ATP13A4: variants seen among roughly 807,000 people sequenced by gnomAD.
The protein encoded by ATP13A4 is ATPase 13A4, also known as probable cation-transporting ATPase 13A4.
Under a neutral mutation model 142.5 loss-of-function variants are expected in ATP13A4, and 114 were observed. That is an observed-to-expected ratio of 0.80 (90% CI 0.69 to 0.93). The LOEUF is 0.93. Among genes scored for constraint, ATP13A4 ranks in the 40% least tolerant of loss-of-function variants. The pLI, the probability that ATP13A4 is intolerant of heterozygous loss-of-function variation, is 0.00. For synonymous variants in ATP13A4, 488 were observed against 514.8 expected, an observed-to-expected ratio of 0.95 and a Z score of 0.70; for missense variants, 1,392 against 1,454.0, an observed-to-expected ratio of 0.96 and a Z score of 0.69.
At chr3:193,529,224 C>T (rs1045855174) in intron 1 of ATP13A4, among the ~76,000 whole-genome samples, 2 of 150,992 alleles carry the variant, frequency 1.3e-5, no homozygotes, top group Non-Finnish European at 2.9e-5. Flanking sequence ...GAGCTGAGAT[C>T]GCGCCACTAC....
chr3:193,481,453 A>C (rs1323371931), intron 8 of ATP13A4, among the ~76,000 whole-genome samples: 1 of 152,206 alleles, frequency 6.6e-6, no homozygotes. Context: ...TACACTTACC[A>C]GTTTCAGTAA....
intron 16 of ATP13A4, 78 bp from the exon 17 acceptor site, chr3:193,454,290 C>A: frequency 1.9e-6 from 2 of 1,075,562 alleles, no homozygotes; most frequent in Non-Finnish European, 2.8e-6. Flanking sequence ...TTACAAACAT[C>A]CAACTTTTGC....
rs370100791 is a variant in ATP13A4 at position 193,417,979 on chromosome 3, G to A, written c.2843-3229C>T. On this transcript the variant is annotated intron_variant, in intron 25 of 29. Coordinates refer to ENST00000342695, the MANE Select transcript of ATP13A4 (RefSeq NM_032279.4). ...CTACTAAAAATACAAAAAATTAGCC[G>A]GGCGTAGTGGCGGGCGCCTGTAGTC... Among the ~76,000 whole-genome samples, 28 of 145,420 alleles carry A rather than the reference G, an allele frequency of 1.9e-4. 1 individual carries two copies. Among genetic ancestry groups the A allele is most frequent in the East Asian group, 4.4e-4 (2 of 4,572 alleles).
chr3:193,524,808 A>G (rs2108694368), intron 1 of ATP13A4, among the ~76,000 whole-genome samples: 1 of 152,284 alleles, frequency 6.6e-6, no homozygotes, highest in Middle Eastern at 3.4e-3. Context: ...ATTATGGGGG[A>G]AATTAGACTT....
intron 17 of ATP13A4, among the ~76,000 whole-genome samples, chr3:193,448,704 T>A (rs146885523): frequency 6.6e-6 from 1 of 152,326 alleles, no homozygotes; most frequent in African/African-American, 2.4e-5. Context: ...TTCCATTCAC[T>A]CATTCAAGCA....
chr3:193,500,051 T>C (rs1720454224), intron 3 of ATP13A4, among the ~76,000 whole-genome samples: 1 of 152,222 alleles, frequency 6.6e-6, no homozygotes, highest in Admixed American at 6.5e-5. Context: ...GCCAGGAGTT[T>C]ATCTGCTTCC....
intron 25 of ATP13A4, 85 bp from the exon 26 acceptor site, chr3:193,414,835 T>C: frequency 7.3e-7 from 1 of 1,361,412 alleles, no homozygotes; most frequent in Middle Eastern, 2.4e-4. Flanking sequence ...CATTGGCCCA[T>C]ACATTTGAGG....
chr3:193,471,715 G>A (rs1402277049), intron 8 of ATP13A4, among the ~76,000 whole-genome samples: 1 of 152,076 alleles, frequency 6.6e-6, no homozygotes, highest in African/African-American at 2.4e-5. Flanking sequence ...CAAGTGGTGT[G>A]TTAAGTGTCT....
rs570906677 is a variant in ATP13A4 at position 193,576,462 on chromosome 3, G to A, written n.291+5245C>T. On this transcript the variant is annotated intron_variant and non_coding_transcript_variant, in intron 2 of 3. Transcript: ENST00000489140. ...AATTTTTTGTATTTTTAGTAGAGAC[G>A]GGGTTTCACCCTGTTAGCCAGGATG... Among the ~76,000 whole-genome samples, 19 of 150,046 alleles carry A rather than the reference G, an allele frequency of 1.3e-4. No homozygotes were observed. In the East Asian group the frequency reaches 3.3e-3, roughly 26 times the overall value.
chr3:193,428,988 T>C (rs561481138), intron 25 of ATP13A4, among the ~76,000 whole-genome samples: 52 of 151,936 alleles, frequency 3.4e-4, no homozygotes, highest in African/African-American at 1.2e-3. Context: ...TAGGAAATGG[T>C]CAAAGGACCT....
intron 2 of ATP13A4, among the ~76,000 whole-genome samples, chr3:193,503,038 A>AGGGGGGGGGG (rs577841644): frequency 6.9e-6 from 1 of 145,468 alleles, no homozygotes; most frequent in African/African-American, 2.5e-5. Context: ...GGGGCGGGGC[A>AGGGGGGGGGG]GGGGGGGGAA....
At chr3:193,409,477 C>T (rs1269587476) in intron 28 of ATP13A4, among the ~76,000 whole-genome samples, 1 of 152,174 alleles carries the variant, frequency 6.6e-6, no homozygotes, top group African/African-American at 2.4e-5. Context: ...TTTTGTTATA[C>T]CAGAGGACCC....
intron 1 of ATP13A4, among the ~76,000 whole-genome samples, chr3:193,591,284 C>G (rs768561162): frequency 6.6e-6 from 1 of 152,214 alleles, no homozygotes; most frequent in South Asian, 2.1e-4. Flanking sequence ...CTGCCTTCCT[C>G]GGCCTCCCAA....
intron 1 of ATP13A4, among the ~76,000 whole-genome samples, chr3:193,589,959 CAAAAAAAA>C (rs35624117): frequency 1.2e-5 from 1 of 83,916 alleles, no homozygotes; most frequent in Non-Finnish European, 2.5e-5. Context: ...GTTCTTTTGC[CAAAAAAAA>C]AAAAAAAAAA....
intron 2 of ATP13A4, among the ~76,000 whole-genome samples, chr3:193,566,788 G>T (rs1008768886): frequency 6.6e-6 from 1 of 152,038 alleles, no homozygotes; most frequent in Non-Finnish European, 1.5e-5. Context: ...TAATGTTGTG[G>T]TTAACAATAT....
chr3:193,434,338 G>C (rs1420415397), intron 24 of ATP13A4, among the ~76,000 whole-genome samples: 2 of 152,120 alleles, frequency 1.3e-5, no homozygotes, highest in Non-Finnish European at 2.9e-5. Context: ...ATAAGAATAA[G>C]TAAACTCACT....
chr3:193,413,953 C>T (rs925743235), intron 26 of ATP13A4, among the ~76,000 whole-genome samples: 1 of 152,168 alleles, frequency 6.6e-6, no homozygotes, highest in African/African-American at 2.4e-5. Context: ...CACCCCCTCC[C>T]CTTTTGGAGT....
At chr3:193,520,074 C>T (rs1560252272) in intron 1 of ATP13A4, among the ~76,000 whole-genome samples, 3 of 152,242 alleles carry the variant, frequency 2.0e-5, no homozygotes, top group Admixed American at 6.5e-5. Context: ...GCATCACATA[C>T]ATTATCTGCA....
intron 16 of ATP13A4, among the ~76,000 whole-genome samples, chr3:193,454,705 A>G (rs1045681615): frequency 6.6e-6 from 1 of 152,204 alleles, no homozygotes; most frequent in Non-Finnish European, 1.5e-5. Context: ...TACACCATAT[A>G]CAAAAACTAA....
Sources: allele counts gnomAD v4.1 joint callset (sites outside exome capture counted in the v4.1 genomes callset), GRCh38; gene constraint gnomAD v4.1.1; transcripts MANE v1.5; gene names NCBI Gene and HGNC (gene_info 2026-07-23, HGNC 2026-07-21).